COL12A1: variants seen among roughly 807,000 people sequenced by gnomAD.
The protein encoded by COL12A1 is collagen alpha-1(XII) chain.
A neutral mutation model predicts 349.7 loss-of-function variants in COL12A1; 114 were observed. The ratio of observed to expected loss-of-function variants is 0.33; its 90% CI spans 0.28 to 0.38. The LOEUF is 0.38. COL12A1 is among the 10% of genes least tolerant of loss of function. The pLI is 1.00. For synonymous variants in COL12A1, 1,369 were observed against 1,329.0 expected, an observed-to-expected ratio of 1.03 and a Z score of -0.66; for missense variants, 3,284 against 3,756.9, an observed-to-expected ratio of 0.87 and a Z score of 3.29.
Position 75,143,377 on chromosome 6 carries a change from T to C in COL12A1, c.4702A>G (p.Arg1568Gly), listed in dbSNP as rs1767009455. ...TCTCTGAGTTTCAGATCCTGAGGTC[T>C]GGGTAAAGGCACTAGAGAAGCACGA... ...TVREVTLPLP[R>G]PQDLKLRDVT... Residue 1568 changes from arginine to glycine, a missense_variant, in exon 26 of 66, where the codon AGA becomes GGA. Coordinates refer to ENST00000322507, the MANE Select transcript of COL12A1 (RefSeq NM_004370.6). 2.5e-6 allele frequency: 4 copies of C among 1,613,630 alleles called. No individual in the cohort carries two copies. The highest frequency in any genetic ancestry group is 2.5e-6 in the Non-Finnish European group (3 of 1,179,890).
chr6:75,200,633 T>C (rs983067562), intron 2 of COL12A1, among the ~76,000 whole-genome samples: 1 of 152,144 alleles, frequency 6.6e-6, no homozygotes, highest in Non-Finnish European at 1.5e-5. Flanking sequence ...ACACACCCAA[T>C]TGTCAAAGAC....
rs201675340 is a variant in COL12A1 at position 75,113,335 on chromosome 6, T to C, written c.7841-22A>G. 1,120 of 1,355,098 alleles carry C rather than the reference T, an allele frequency of 8.3e-4. 10 individuals are homozygous for C. In the African/African-American group the frequency reaches 0.015, roughly 18 times the overall value. The allele number at this position is 1,355,098 out of a possible 1,614,324, so 83.9% of individuals were successfully genotyped here. On this transcript the variant is annotated intron_variant, in intron 50 of 65. Coordinates refer to ENST00000322507, the MANE Select transcript of COL12A1 (RefSeq NM_004370.6). ...GAAGCTGTAATCAACATAAAAGTGT[T>C]ATTAAATCATATGCATTGTATAATT...
intron 14 of COL12A1, among the ~76,000 whole-genome samples, chr6:75,158,780 A>G (rs150473711): frequency 6.6e-6 from 1 of 152,192 alleles, no homozygotes; most frequent in East Asian, 1.9e-4. Flanking sequence ...TAGAAAATAT[A>G]AAAAAATGAT....
intron 13 of COL12A1, among the ~76,000 whole-genome samples, chr6:75,171,343 C>G (rs1180756539): frequency 6.6e-6 from 1 of 152,190 alleles, no homozygotes; most frequent in East Asian, 1.9e-4. Context: ...CCATGAACTT[C>G]CCCAATGCCA....
At chr6:75,131,906 C>A in intron 35 of COL12A1, 34 bp downstream of exon 35, 2 of 1,609,870 alleles carry the variant, frequency 1.2e-6, no homozygotes, top group Non-Finnish European at 1.7e-6. Context: ...CTACATTCAC[C>A]AGGAAATGCA....
intron 3 of COL12A1, among the ~76,000 whole-genome samples, 167 bp downstream of exon 3, chr6:75,194,664 C>G (rs974904677): frequency 6.7e-6 from 1 of 150,256 alleles, no homozygotes; most frequent in Non-Finnish European, 1.5e-5. Flanking sequence ...ATAGTGGACA[C>G]TAGACTGGAA....
chr6:75,094,491 AT>A (rs1477586928), intron 60 of COL12A1, among the ~76,000 whole-genome samples: 1 of 152,226 alleles, frequency 6.6e-6, no homozygotes, highest in Non-Finnish European at 1.5e-5. Flanking sequence ...AGTTTTGGAG[AT>A]ACTAATTTGG....
chr6:75,117,331 A>G, intron 47 of COL12A1, 51 bp downstream of exon 47: 1 of 1,578,214 alleles, frequency 6.3e-7, no homozygotes, highest in Non-Finnish European at 8.7e-7. Context: ...CTACTAAGTA[A>G]TTGTTTTTCA....
intron 14 of COL12A1, among the ~76,000 whole-genome samples, chr6:75,159,231 A>T (rs899708874): frequency 6.6e-6 from 1 of 151,400 alleles, no homozygotes; most frequent in African/African-American, 2.4e-5. Context: ...TCTGAGAGAT[A>T]AAAAATATAA....
intron 40 of COL12A1, 85 bp downstream of exon 40, chr6:75,125,042 G>T (rs1430187926): frequency 2.1e-5 from 29 of 1,357,778 alleles, no homozygotes; most frequent in Non-Finnish European, 2.9e-5. Flanking sequence ...ACATGTATAT[G>T]TTCAGAAACA....
At chr6:75,109,220 T>G in intron 51 of COL12A1, 53 bp from the exon 52 acceptor site, 1 of 1,289,118 alleles carries the variant, frequency 7.8e-7, no homozygotes, top group Non-Finnish European at 1.1e-6. Flanking sequence ...AAAAATTAGC[T>G]GACTCTGCAT....
chr6:75,157,730 G>A (rs1388124512), intron 14 of COL12A1, among the ~76,000 whole-genome samples: 1 of 152,054 alleles, frequency 6.6e-6, no homozygotes, highest in Non-Finnish European at 1.5e-5. Context: ...AAAATACTTG[G>A]TCTTCAACCT....
chr6:75,105,132 T>C, intron 54 of COL12A1, 74 bp downstream of exon 54: 2 of 1,259,764 alleles, frequency 1.6e-6, no homozygotes, highest in Middle Eastern at 1.9e-4. Flanking sequence ...TTTTACTGAC[T>C]CCATATTGGC....
At chr6:75,191,075 T>C (rs182599849) in intron 5 of COL12A1, among the ~76,000 whole-genome samples, 50 of 151,888 alleles carry the variant, frequency 3.3e-4, no homozygotes, top group Admixed American at 3.3e-3. Flanking sequence ...AGAAAAGCAA[T>C]ATAAGACAAA....
chr6:75,167,030 A>G (rs997263642), intron 13 of COL12A1, among the ~76,000 whole-genome samples: 3 of 152,300 alleles, frequency 2.0e-5, no homozygotes, highest in East Asian at 3.9e-4. Flanking sequence ...AATTAGTTAC[A>G]TATTTCACTG....
chr6:75,173,470 G>A (rs1036042196), intron 13 of COL12A1, among the ~76,000 whole-genome samples: 25 of 151,806 alleles, frequency 1.6e-4, no homozygotes, highest in Admixed American at 5.2e-4. Flanking sequence ...TCCGCCTCTC[G>A]AGTTCAAGTG....
chr6:75,114,293 C>T (rs2149359528), intron 49 of COL12A1, among the ~76,000 whole-genome samples: 1 of 151,938 alleles, frequency 6.6e-6, no homozygotes, highest in South Asian at 2.1e-4. Flanking sequence ...ATAAATCACC[C>T]CCAGAGCTCA....
At chr6:75,116,161 GT>G in intron 47 of COL12A1, 104 bp from the exon 48 acceptor site, 13 of 1,072,856 alleles carry the variant, frequency 1.2e-5, no homozygotes, top group Non-Finnish European at 1.8e-5. Flanking sequence ...AAATGACATT[GT>G]TCATTTATTA....
chr6:75,121,131 G>T lies in COL12A1; in HGVS notation c.7086+171C>A, dbSNP rs620129. Reference sequence around the variant, plus strand: ...CTAAGGGAACATTTATTTTTCTATTGATTTATCATTTATACCCAATTCCCT... The same window carrying T: ...CTAAGGGAACATTTATTTTTCTATTTATTTATCATTTATACCCAATTCCCT... On this transcript the variant is annotated intron_variant, in intron 44 of 65. Transcript: ENST00000322507. 0.75 allele frequency among the ~76,000 whole-genome samples: 113,812 copies of T among 152,114 alleles called. 42,857 individuals carry two copies. The highest frequency in any genetic ancestry group is 0.83 in the African/African-American group (34,509 of 41,506).
Sources: allele counts gnomAD v4.1 joint callset (sites outside exome capture counted in the v4.1 genomes callset), GRCh38; gene constraint gnomAD v4.1.1; transcripts MANE v1.5; gene names NCBI Gene and HGNC (gene_info 2026-07-23, HGNC 2026-07-21).